RUNX1T1: variants seen among roughly 807,000 people sequenced by gnomAD.
RUNX1T1 encodes the protein protein CBFA2T1.
A neutral mutation model predicts 62.8 loss-of-function variants in RUNX1T1; 4 were observed. The ratio of observed to expected loss-of-function variants is 0.06; its 90% CI spans 0.03 to 0.15. The LOEUF is 0.15. Ranked by LOEUF, RUNX1T1 falls within the 10% of genes least tolerant of loss-of-function variation. The probability of loss-of-function intolerance (pLI) is 1.00; values close to 1 mark genes in which losing one functional copy is unlikely to be tolerated. For synonymous variants in RUNX1T1, 291 were observed against 286.0 expected (o/e 1.02, Z -0.18); for missense variants, 508 against 754.3 (o/e 0.67, Z 3.82).
At chr8:91,955,255 G>T (rs1809183241), downstream of RUNX1T1, 4 of 222,218 alleles carry the variant, frequency 1.8e-5, no homozygotes, top group South Asian at 5.5e-4. Context: ...GTGTTTGCAA[G>T]AACTTCTTAT....
At chr8:91,964,411 T>G (rs1586702108) in intron 10 of RUNX1T1, among the ~76,000 whole-genome samples, 2 of 152,220 alleles carry the variant, frequency 1.3e-5, no homozygotes, top group Non-Finnish European at 1.5e-5. Flanking sequence ...GTAATAAATT[T>G]AAATATAATA....
intron 1 of RUNX1T1, among the ~76,000 whole-genome samples, chr8:92,021,176 A>G (rs1265641378): frequency 1.3e-5 from 2 of 152,222 alleles, no homozygotes; most frequent in African/African-American, 2.4e-5. Flanking sequence ...GCTAGAAGGT[A>G]TGTACTAGAG....
At chr8:92,070,613 C>CATAA (rs34756135) in intron 2 of RUNX1T1, among the ~76,000 whole-genome samples, 48,111 of 151,860 alleles carry the variant, frequency 0.32, 10,359 homozygotes, top group African/African-American at 0.62. Flanking sequence ...ACATTACTTC[C>CATAA]ATGTGATATG....
chr8:92,036,533 C>A (rs975825101), intron 1 of RUNX1T1, among the ~76,000 whole-genome samples: 1 of 152,284 alleles, frequency 6.6e-6, no homozygotes, highest in East Asian at 1.9e-4. Flanking sequence ...TGAGTGACAG[C>A]AAGAAAAACT....
intron 8 of RUNX1T1, among the ~76,000 whole-genome samples, chr8:91,985,613 G>C (rs1040575776): frequency 6.6e-6 from 1 of 151,912 alleles, no homozygotes; most frequent in Non-Finnish European, 1.5e-5. Flanking sequence ...TCCTGGAGGC[G>C]GGGGGTTGAG....
chr8:91,984,278 G>C (rs1462784371), intron 8 of RUNX1T1, among the ~76,000 whole-genome samples: 2 of 152,120 alleles, frequency 1.3e-5, no homozygotes, highest in African/African-American at 2.4e-5. Flanking sequence ...ACCAGAATCT[G>C]TGTGTAGTAG....
At chr8:92,073,503 T>C (rs1413727907) in intron 2 of RUNX1T1, among the ~76,000 whole-genome samples, 1 of 152,180 alleles carries the variant, frequency 6.6e-6, no homozygotes, top group Non-Finnish European at 1.5e-5. Flanking sequence ...TGTTCAGCCA[T>C]GGATAGTCCT....
At chr8:92,046,040 A>T (rs1359514674) in intron 1 of RUNX1T1, among the ~76,000 whole-genome samples, 2 of 152,210 alleles carry the variant, frequency 1.3e-5, no homozygotes, top group Admixed American at 6.5e-5. Context: ...TGTATTACAT[A>T]GGAAGCCTAC....
intron 10 of RUNX1T1, among the ~76,000 whole-genome samples, chr8:91,961,303 C>T (rs867474873): frequency 6.6e-5 from 10 of 152,194 alleles, no homozygotes; most frequent in Admixed American, 5.9e-4. Flanking sequence ...ATGAGAAATG[C>T]TAAAACCAGC....
intron 1 of RUNX1T1, among the ~76,000 whole-genome samples, chr8:92,040,504 A>G (rs890916927): frequency 3.3e-5 from 5 of 152,190 alleles, no homozygotes; most frequent in Admixed American, 6.5e-5. Flanking sequence ...AAGTCAAAGA[A>G]CACCAGGATT....
chr8:91,972,185 A>C (rs1352122136), intron 9 of RUNX1T1, among the ~76,000 whole-genome samples: 4 of 152,122 alleles, frequency 2.6e-5, no homozygotes, highest in African/African-American at 2.4e-5. Context: ...AAAATGTAAG[A>C]GATGCAAGTA....
chr8:92,058,215 C>T lies in RUNX1T1; in HGVS notation c.7+4331G>A, dbSNP rs536672600. 2.6e-4 allele frequency among the ~76,000 whole-genome samples: 39 copies of T among 152,250 alleles called. No individual in the cohort carries two copies. In the South Asian group the frequency reaches 7.9e-3, roughly 31 times the overall value. On this transcript the variant is annotated intron_variant, in intron 1 of 10. Coordinates refer to ENST00000396218, the Ensembl canonical transcript of RUNX1T1. ...TGAATCATGGTTATCTGGTATCTGGCACATTTTGAGCAACCTACAAATGTC... is the reference window on the plus strand; with the variant it reads ...TGAATCATGGTTATCTGGTATCTGGTACATTTTGAGCAACCTACAAATGTC...
chr8:92,040,345 C>T (rs925033800), intron 1 of RUNX1T1, among the ~76,000 whole-genome samples: 3 of 152,086 alleles, frequency 2.0e-5, no homozygotes, highest in Non-Finnish European at 2.9e-5. Context: ...GTGTGTGTCC[C>T]GTGTGTATAC....
intron 1 of RUNX1T1, among the ~76,000 whole-genome samples, chr8:92,055,999 T>A (rs922604147): frequency 7.2e-5 from 11 of 152,220 alleles, no homozygotes; most frequent in Admixed American, 5.9e-4. Flanking sequence ...ACAGCCTTTC[T>A]TCCTTCCAGT....
chr8:92,029,308 T>C (rs941371906), intron 1 of RUNX1T1, among the ~76,000 whole-genome samples: 1 of 152,058 alleles, frequency 6.6e-6, no homozygotes, highest in African/African-American at 2.4e-5. Flanking sequence ...ACAGTATGAA[T>C]AGGATAAAAG....
chr8:92,026,780 C>A (rs977568687), intron 1 of RUNX1T1, among the ~76,000 whole-genome samples: 1 of 151,364 alleles, frequency 6.6e-6, no homozygotes, highest in African/African-American at 2.4e-5. Context: ...CAAGATCGTG[C>A]CACTGCACTC....
At chr8:91,960,044 C>T in exon 11 of RUNX1T1, 2 of 604,588 alleles carry the variant, frequency 3.3e-6, no homozygotes, top group Non-Finnish European at 5.8e-6. Flanking sequence ...CACAATAAGT[C>T]ATTACGACCC....
At chr8:91,956,326 ACAT>A (rs1809378762), downstream of RUNX1T1, 2 of 230,558 alleles carry the variant, frequency 8.7e-6, no homozygotes, top group African/African-American at 2.2e-5. Flanking sequence ...CAAAGTTCTG[ACAT>A]CATTCCCTAC....
At chr8:91,978,592 A>G (rs946816515) in intron 8 of RUNX1T1, among the ~76,000 whole-genome samples, 2 of 152,228 alleles carry the variant, frequency 1.3e-5, no homozygotes, top group African/African-American at 4.8e-5. Context: ...TTAAACTCCC[A>G]GAATCTATGT....
Sources: gnomAD v4.1 joint callset for allele counts (sites outside exome capture counted in the v4.1 genomes callset) on GRCh38, gnomAD v4.1.1 for gene constraint, MANE v1.5 for transcripts, NCBI Gene and HGNC (gene_info 2026-07-23, HGNC 2026-07-21) for gene names.